The following RAB38 variants were observed in gnomAD, a reference collection of about 807,000 sequenced individuals.
RAB38 encodes the protein ras-related protein Rab-38.
Under a neutral mutation model 18.4 loss-of-function variants are expected in RAB38, and 15 were observed. The observed-to-expected ratio is 0.82, with a 90% CI of 0.55 to 1.26. The LOEUF (loss-of-function observed/expected upper bound fraction) is 1.26. Ranked by LOEUF, RAB38 falls within the 50% of genes most tolerant of loss-of-function variation. The pLI is 0.00. For missense variants in RAB38, 294 were observed against 267.4 expected, an observed-to-expected ratio of 1.10 and a Z score of -0.69; for synonymous variants, 101 against 104.4, an observed-to-expected ratio of 0.97 and a Z score of 0.20.
the RAB38 span, among the ~76,000 whole-genome samples, chr11:87,847,587 C>T: frequency 6.6e-6 from 1 of 152,078 alleles, no homozygotes; most frequent in East Asian, 1.9e-4. Flanking sequence ...TATGAATATG[C>T]TTCCCTTGGG....
At chr11:87,913,233 C>T in the RAB38 span, among the ~76,000 whole-genome samples, 7 of 151,944 alleles carry the variant, frequency 4.6e-5, no homozygotes, top group African/African-American at 2.4e-5. Flanking sequence ...TTTTTCAAGT[C>T]TTCTGTGTCT....
At chr11:88,164,228 A>G (rs1438416398) in intron 1 of RAB38, among the ~76,000 whole-genome samples, 1 of 135,544 alleles carries the variant, frequency 7.4e-6, no homozygotes, top group East Asian at 2.1e-4. Context: ...TACAGTTATA[A>G]CTCCCAAAAT....
At chr11:88,024,440 G>A in the RAB38 span, among the ~76,000 whole-genome samples, 2 of 152,146 alleles carry the variant, frequency 1.3e-5, no homozygotes, top group East Asian at 1.9e-4. Flanking sequence ...TGATAAGAAT[G>A]TATATTAGTA....
chr11:87,845,957 A>C, the RAB38 span, among the ~76,000 whole-genome samples: 1 of 152,270 alleles, frequency 6.6e-6, no homozygotes, highest in East Asian at 1.9e-4. Flanking sequence ...AGGTGAGATA[A>C]AGAAATTTTG....
At chr11:87,850,986 C>G in the RAB38 span, among the ~76,000 whole-genome samples, 1 of 152,190 alleles carries the variant, frequency 6.6e-6, no homozygotes, top group East Asian at 1.9e-4. Context: ...TCAGCTATGA[C>G]AGCCTGCATT....
the RAB38 span, among the ~76,000 whole-genome samples, chr11:88,077,027 A>AGAAAAG: frequency 8.0e-6 from 1 of 125,670 alleles, no homozygotes; most frequent in Admixed American, 8.0e-5. Context: ...AGAAAAGAAA[A>AGAAAAG]GAAAGAAAGC....
chr11:87,935,902 C>A, the RAB38 span, among the ~76,000 whole-genome samples: 1 of 152,062 alleles, frequency 6.6e-6, no homozygotes, highest in Non-Finnish European at 1.5e-5. Flanking sequence ...ACTTTAATAG[C>A]TAATGATGTT....
chr11:87,877,139 C>A, the RAB38 span, among the ~76,000 whole-genome samples: 8 of 151,452 alleles, frequency 5.3e-5, no homozygotes, highest in Admixed American at 5.3e-4. Context: ...CATGGAAGTA[C>A]CATACGTGCT....
the RAB38 span, among the ~76,000 whole-genome samples, chr11:87,950,129 C>T: frequency 6.6e-6 from 1 of 152,150 alleles, no homozygotes; most frequent in East Asian, 1.9e-4. Context: ...GAATTGATCC[C>T]TTTACCATTA....
chr11:87,832,793 G>A, the RAB38 span, among the ~76,000 whole-genome samples: 1 of 129,340 alleles, frequency 7.7e-6, no homozygotes, highest in South Asian at 2.3e-4. Context: ...GATCACTCAG[G>A]CTTTGTATTT....
intron 2 of RAB38, among the ~76,000 whole-genome samples, chr11:88,117,009 T>C (rs1253102688): frequency 4.6e-5 from 7 of 152,260 alleles, no homozygotes; most frequent in South Asian, 2.1e-4. Flanking sequence ...AGTGAAAATA[T>C]AAGATAACAC....
the RAB38 span, among the ~76,000 whole-genome samples, chr11:87,855,659 C>T: frequency 8.2e-4 from 124 of 152,128 alleles, no homozygotes; most frequent in African/African-American, 2.7e-3. Flanking sequence ...AAAGAAATTA[C>T]GTAAAGCTGT....
At chr11:88,045,419 G>A in the RAB38 span, among the ~76,000 whole-genome samples, 20,697 of 152,134 alleles carry the variant, frequency 0.14, 1,848 homozygotes, top group African/African-American at 0.26. Flanking sequence ...CCTGAACTGC[G>A]GCGGCCAGGC....
chr11:87,943,490 G>A, the RAB38 span, among the ~76,000 whole-genome samples: 6 of 152,184 alleles, frequency 3.9e-5, no homozygotes, highest in Admixed American at 1.3e-4. Flanking sequence ...GCAAGATGCC[G>A]TGGTTTTGTG....
chr11:87,886,336 C>T, the RAB38 span, among the ~76,000 whole-genome samples: 1 of 149,380 alleles, frequency 6.7e-6, no homozygotes, highest in Non-Finnish European at 1.5e-5. Flanking sequence ...TGTGTGTGTG[C>T]ATGCACATGT....
At chr11:87,820,905 T>C in the RAB38 span, among the ~76,000 whole-genome samples, 4 of 152,150 alleles carry the variant, frequency 2.6e-5, no homozygotes, top group Non-Finnish European at 4.4e-5. Context: ...AAAAATTTAG[T>C]AAAGTAGAAT....
chr11:87,951,180 G>T, the RAB38 span, among the ~76,000 whole-genome samples: 1 of 151,940 alleles, frequency 6.6e-6, no homozygotes, highest in South Asian at 2.1e-4. Context: ...GATCGCATCG[G>T]CTCCTGAGGC....
chr11:87,919,588 C>A, the RAB38 span, among the ~76,000 whole-genome samples: 4 of 151,546 alleles, frequency 2.6e-5, no homozygotes, highest in South Asian at 8.3e-4. Flanking sequence ...CCTTGTCTGG[C>A]TTTGGTATTA....
At chr11:87,951,895 T>C in the RAB38 span, among the ~76,000 whole-genome samples, 1 of 152,166 alleles carries the variant, frequency 6.6e-6, no homozygotes, top group Non-Finnish European at 1.5e-5. Context: ...TCAAGCTGCA[T>C]GCTGGGAGAA....
Sources: allele counts gnomAD v4.1 joint callset (sites outside exome capture counted in the v4.1 genomes callset), GRCh38; gene constraint gnomAD v4.1.1; transcripts MANE v1.5; gene names NCBI Gene and HGNC (gene_info 2026-07-23, HGNC 2026-07-21).